KIAA0319L: variants seen among roughly 807,000 people sequenced by gnomAD.
KIAA0319L encodes the protein dyslexia-associated protein KIAA0319-like protein.
A neutral mutation model predicts 120.1 loss-of-function variants in KIAA0319L; 55 were observed. The observed-to-expected ratio is 0.46, with a 90% CI of 0.37 to 0.57. The LOEUF is 0.57. Among genes scored for constraint, KIAA0319L ranks in the 20% least tolerant of loss-of-function variants. The pLI is 0.00. For missense variants in KIAA0319L, 1,049 were observed against 1,255.3 expected (o/e 0.84, Z 2.48); for synonymous variants, 398 against 471.9 (o/e 0.84, Z 2.03).
intron 3 of KIAA0319L, among the ~76,000 whole-genome samples, chr1:35,501,324 C>T (rs896597210): frequency 3.9e-5 from 6 of 152,152 alleles, no homozygotes; most frequent in South Asian, 2.1e-4. Flanking sequence ...TCTAATTTCA[C>T]GGGCCATAAT....
In KIAA0319L at chr1:35,506,231, C is replaced by G. The variant is rs186386658; in HGVS notation, c.666+381G>C. On this transcript the variant is annotated intron_variant, in intron 3 of 20. Transcript: ENST00000325722. The surrounding 1 kb of genome is among the most constrained non-coding windows in gnomAD (Gnocchi z 4.0). ...ACCTCATAAAGAATGTGTTTACAGGCGAGAGATGGAGGAGAACTTGACTGT... is the reference window on the plus strand; with the variant it reads ...ACCTCATAAAGAATGTGTTTACAGGGGAGAGATGGAGGAGAACTTGACTGT... Among the ~76,000 whole-genome samples the G allele has an allele frequency of 4.1e-4, 62 of 152,282 alleles. No individual in the cohort carries two copies. Among genetic ancestry groups the G allele is most frequent in the Non-Finnish European group, 8.1e-4 (55 of 68,028 alleles).
In KIAA0319L at chr1:35,470,937, G is replaced by A; in HGVS notation, c.1039C>T (p.Gln347Ter). 6.2e-7 allele frequency: 1 copy of A among 1,611,386 alleles called. No homozygotes were observed. Among genetic ancestry groups the A allele is most frequent in the Non-Finnish European group, 8.5e-7 (1 of 1,177,512 alleles). ...TAGTCTCTAGGATGAGTAATCAGCT[G>A]CCAGTCGTAGGTGTAGGTTTCTCCT... ...PKGETYTYDW[Q>*]LITHPRDYSG... is the part of the protein sequence containing the mutation. Residue 347 changes from glutamine (Q) to a stop codon, truncating the protein, a stop_gained, in exon 6 of 21, where the codon CAG (glutamine) becomes TAG (stop). Transcript: ENST00000325722. LOFTEE classifies it high-confidence loss of function.
At position 35,507,120 on chromosome 1, in the gene KIAA0319L, C is replaced by T. The variant is rs1645236341; in HGVS notation, c.158G>A (p.Arg53Lys). 1 of 1,523,230 alleles carries T rather than the reference C, an allele frequency of 6.6e-7. No individual in the cohort carries two copies. The highest frequency in any genetic ancestry group is 8.8e-7 in the Non-Finnish European group (1 of 1,137,930). The allele number at this position is 1,523,230 out of a possible 1,614,324, so 94.4% of individuals were successfully genotyped here. A position where few individuals can be genotyped will look rare whatever the true frequency, so the allele number is the denominator to read the frequency against. Residue 53 changes from arginine to lysine, a missense_variant, in exon 3 of 21, where the codon AGG (arginine) becomes AAG (lysine). By Grantham distance (26) the Arg-to-Lys change is conservative (BLOSUM62 2). Coordinates refer to ENST00000325722, the MANE Select transcript of KIAA0319L (RefSeq NM_024874.5). ...AAATTGTGTCTTCCCCTGCTGGCAC[C>T]TGCTCTCACTGGCATCTAAAAACAA... Reference protein sequence around the residue: ...LWLSTDASESRCQQGKTQFGV... With the variant: ...LWLSTDASESKCQQGKTQFGV...
chr1:35,514,859 A>G (rs1324851851), intron 2 of KIAA0319L, among the ~76,000 whole-genome samples: 1 of 152,232 alleles, frequency 6.6e-6, no homozygotes, highest in African/African-American at 2.4e-5. Context: ...AAAGATATTC[A>G]GGACCTGATC....
chr1:35,494,218 A>G (rs559563858), intron 3 of KIAA0319L, among the ~76,000 whole-genome samples: 1 of 152,006 alleles, frequency 6.6e-6, no homozygotes, highest in African/African-American at 2.4e-5. Context: ...GGAGGCCGAG[A>G]AAGGTGGATC....
At position 35,491,296 on chromosome 1, in the gene KIAA0319L, C is replaced by T. The variant is rs1180514381; in HGVS notation, c.667-12084G>A. 2.0e-5 allele frequency among the ~76,000 whole-genome samples: 3 copies of T among 152,112 alleles called. No individual in the cohort carries two copies. The East Asian group carries it at 5.8e-4, about 29-fold the overall frequency. On this transcript the variant is annotated intron_variant, in intron 3 of 20. Coordinates refer to ENST00000325722, the MANE Select transcript of KIAA0319L (RefSeq NM_024874.5). The stretch of plus-strand genomic sequence containing the variant: ...GACAGAAAAATATTTGAATAATTGT[C>T]AATAATTTCCCAAATTTGAAGAAAA...
chr1:35,540,788 A>G (rs1646756023), intron 2 of KIAA0319L, among the ~76,000 whole-genome samples: 1 of 152,192 alleles, frequency 6.6e-6, no homozygotes, highest in East Asian at 1.9e-4. Flanking sequence ...TTGGGACCCT[A>G]GGGAAGCCTC....
intron 3 of KIAA0319L, among the ~76,000 whole-genome samples, chr1:35,489,019 G>T (rs988274579): frequency 1.3e-5 from 2 of 152,182 alleles, no homozygotes; most frequent in Non-Finnish European, 2.9e-5. Context: ...ATATTTGCAA[G>T]TATCAAGTTT....
intron 9 of KIAA0319L, among the ~76,000 whole-genome samples, chr1:35,456,454 CATT>C (rs1642460403): frequency 6.6e-6 from 1 of 152,156 alleles, no homozygotes; most frequent in South Asian, 2.1e-4. Flanking sequence ...CTTTATATCT[CATT>C]AAATCCTCAC....
rs1346854232 is a variant in KIAA0319L at position 35,460,117 on chromosome 1, CT to C, written c.1427+187del. On this transcript the variant is annotated intron_variant, in intron 9 of 20. Coordinates refer to ENST00000325722, the MANE Select transcript of KIAA0319L (RefSeq NM_024874.5). The stretch of plus-strand genomic sequence containing the variant: ...GATCTACTATACAAGAACCTTTGCC[CT>C]AAAAAGTTACCATTGTTGTAATCAC... Among the ~76,000 whole-genome samples, 5 of 152,242 alleles carry C rather than the reference CT, an allele frequency of 3.3e-5. No homozygotes were observed. The East Asian group carries it at 9.6e-4, about 29-fold the overall frequency.
intron 6 of KIAA0319L, among the ~76,000 whole-genome samples, chr1:35,469,654 C>T (rs550832769): frequency 6.6e-6 from 1 of 151,808 alleles, no homozygotes; most frequent in Non-Finnish European, 1.5e-5. Context: ...GAAATCCACT[C>T]TACCTTTCCA....
chr1:35,465,247 G>C (rs937033202), intron 7 of KIAA0319L, among the ~76,000 whole-genome samples: 1 of 152,238 alleles, frequency 6.6e-6, no homozygotes, highest in African/African-American at 2.4e-5. Context: ...GTAGCTGAGA[G>C]GGAGGCTGTA....
At chr1:35,456,276 G>A (rs948185075) in intron 9 of KIAA0319L, 35 bp from the exon 10 acceptor site, 15 of 1,362,198 alleles carry the variant, frequency 1.1e-5, no homozygotes, top group East Asian at 2.4e-5. Flanking sequence ...GATCAGGGAC[G>A]GGTTTAAGGA....
At chr1:35,492,062 T>G (rs1644614696) in intron 3 of KIAA0319L, among the ~76,000 whole-genome samples, 1 of 152,162 alleles carries the variant, frequency 6.6e-6, no homozygotes. Flanking sequence ...GAATTATATT[T>G]AACATTTAAG....
At position 35,454,548 on chromosome 1, in the gene KIAA0319L, G is replaced by A. The variant is rs139769979; in HGVS notation, c.1657-63C>T. 224 of 1,594,890 alleles carry A rather than the reference G, an allele frequency of 1.4e-4. No individual in the cohort carries two copies. The African/African-American group carries it at 2.2e-3, about 16-fold the overall frequency. On this transcript the variant is annotated intron_variant, in intron 10 of 20. Coordinates refer to ENST00000325722, the MANE Select transcript of KIAA0319L (RefSeq NM_024874.5). The stretch of plus-strand genomic sequence containing the variant: ...AGGAATCACATCACACAATAATTCC[G>A]ACTCTGGTAAAAACGATTTAGTTTT...
At chr1:35,471,707 G>A (rs1442581606) in intron 5 of KIAA0319L, among the ~76,000 whole-genome samples, 2 of 152,024 alleles carry the variant, frequency 1.3e-5, no homozygotes, top group Admixed American at 6.5e-5. Flanking sequence ...TGGTAGGAAG[G>A]TTTAGTTTAA....
At chr1:35,471,486 C>T (rs1227624436) in intron 5 of KIAA0319L, among the ~76,000 whole-genome samples, 1 of 152,144 alleles carries the variant, frequency 6.6e-6, no homozygotes, top group Non-Finnish European at 1.5e-5. Flanking sequence ...TAACACACTG[C>T]AGAAGATGGT....
chr1:35,493,898 C>T (rs1049308159), intron 3 of KIAA0319L, among the ~76,000 whole-genome samples: 1 of 151,932 alleles, frequency 6.6e-6, no homozygotes, highest in Non-Finnish European at 1.5e-5. Flanking sequence ...AACTACAACA[C>T]GTCACTGAGA....
At chr1:35,494,955 G>A (rs1408667566) in intron 3 of KIAA0319L, among the ~76,000 whole-genome samples, 1 of 152,194 alleles carries the variant, frequency 6.6e-6, no homozygotes, top group Non-Finnish European at 1.5e-5. Context: ...GCAATTCAGT[G>A]TAGAAAGGAT....
Sources: gnomAD v4.1 joint callset for allele counts (sites outside exome capture counted in the v4.1 genomes callset) on GRCh38, gnomAD v4.1.1 for gene constraint, Gnocchi (gnomAD v3.1) non-coding constraint, MANE v1.5 for transcripts, NCBI Gene and HGNC (gene_info 2026-07-23, HGNC 2026-07-21) for gene names.